Variants in KCNIP4 observed in about 807,000 individuals in gnomAD.
The protein encoded by KCNIP4 is Kv channel-interacting protein 4.
KCNIP4 carries 12 observed loss-of-function variants against 34.0 expected under a neutral mutation model. The observed-to-expected ratio is 0.35, with a 90% CI of 0.23 to 0.57. The LOEUF is 0.57. Ranked by LOEUF, KCNIP4 falls within the 20% of genes least tolerant of loss-of-function variation. The pLI is 0.83. For synonymous variants in KCNIP4, 124 were observed against 102.2 expected (o/e 1.21, Z -1.29); for missense variants, 238 against 311.7 (o/e 0.76, Z 1.78).
At position 20,818,325 on chromosome 4, in the gene KCNIP4, T is replaced by A. The variant is rs138159136; in HGVS notation, c.288+32218A>T. 5.2e-3 allele frequency among the ~76,000 whole-genome samples: 790 copies of A among 152,310 alleles called. 6 individuals carry two copies. Among genetic ancestry groups the A allele is most frequent in the South Asian group, 0.016 (75 of 4,824 alleles). ...ATTGGGGTGGTGGTGGTGGTATCAG[T>A]TCTCATGATTTTAACCCAAAATGAC... On this transcript the variant is annotated intron_variant, in intron 3 of 8. Coordinates refer to ENST00000382152, the MANE Select transcript of KCNIP4 (RefSeq NM_025221.6).
chr4:21,837,585 G>A (rs1723430026), intron 1 of KCNIP4, among the ~76,000 whole-genome samples: 1 of 145,184 alleles, frequency 6.9e-6, no homozygotes. Flanking sequence ...AAAGAAAGAG[G>A]CAGATAGATA....
intron 3 of KCNIP4, among the ~76,000 whole-genome samples, chr4:20,778,461 G>GAC (rs1197697818): frequency 1.3e-5 from 2 of 152,080 alleles, no homozygotes; most frequent in Non-Finnish European, 2.9e-5. Flanking sequence ...ATGTAGTTTT[G>GAC]ACACACACAC....
intron 1 of KCNIP4, among the ~76,000 whole-genome samples, chr4:21,858,470 AT>A (rs1724883335): frequency 1.3e-5 from 2 of 152,350 alleles, no homozygotes; most frequent in South Asian, 4.1e-4. Flanking sequence ...CTGAAATGAA[AT>A]TTAGCTTAAA....
intron 1 of KCNIP4, among the ~76,000 whole-genome samples, chr4:21,061,949 C>T (rs1301807777): frequency 2.0e-5 from 3 of 152,270 alleles, no homozygotes; most frequent in Non-Finnish European, 4.4e-5. Context: ...TGGCCATCTA[C>T]AAGCCAAAGA....
intron 1 of KCNIP4, among the ~76,000 whole-genome samples, chr4:21,925,158 T>C (rs987983628): frequency 1.3e-5 from 2 of 152,126 alleles, no homozygotes; most frequent in Non-Finnish European, 2.9e-5. Context: ...TACGTATACA[T>C]GTGCCATGTT....
At chr4:20,764,271 G>A (rs192567793) in intron 3 of KCNIP4, among the ~76,000 whole-genome samples, 39 of 152,176 alleles carry the variant, frequency 2.6e-4, no homozygotes, top group Non-Finnish European at 4.6e-4. Context: ...CATATATACC[G>A]TAGAAATAAA....
chr4:21,677,831 C>A (rs888407367), intron 1 of KCNIP4, among the ~76,000 whole-genome samples: 1 of 152,124 alleles, frequency 6.6e-6, no homozygotes, highest in African/African-American at 2.4e-5. Flanking sequence ...CTCACTGCAA[C>A]CTCCTCCTCC....
At chr4:21,238,716 A>G (rs1289320633) in intron 1 of KCNIP4, among the ~76,000 whole-genome samples, 8 of 152,136 alleles carry the variant, frequency 5.3e-5, no homozygotes, top group African/African-American at 1.9e-4. Context: ...CCACTGCTCA[A>G]TGAAATAAAA....
chr4:21,074,504 T>C lies in KCNIP4; in HGVS notation c.62-191795A>G, dbSNP rs566221242. Reference sequence around the variant, plus strand: ...TGATATCCCCTTTATCATTTTTTATTGCGTCTATTTGATCCTTCTCTCTTT... The same window carrying C: ...TGATATCCCCTTTATCATTTTTTATCGCGTCTATTTGATCCTTCTCTCTTT... On this transcript the variant is annotated intron_variant, in intron 1 of 8. Coordinates refer to ENST00000382152, the MANE Select transcript of KCNIP4 (RefSeq NM_025221.6). Among the ~76,000 whole-genome samples the C allele has an allele frequency of 1.4e-4, 21 of 152,304 alleles. No homozygotes were observed. The South Asian group carries it at 3.1e-3, about 23-fold the overall frequency.
chr4:21,643,606 T>C (rs1746778781), intron 1 of KCNIP4, among the ~76,000 whole-genome samples: 1 of 152,144 alleles, frequency 6.6e-6, no homozygotes, highest in Non-Finnish European at 1.5e-5. Flanking sequence ...TTTAAATCAA[T>C]GGATTTTGAG....
intron 1 of KCNIP4, among the ~76,000 whole-genome samples, chr4:21,929,315 T>C (rs1048932202): frequency 6.6e-6 from 1 of 152,166 alleles, no homozygotes; most frequent in Non-Finnish European, 1.5e-5. Flanking sequence ...TTTTATTTAT[T>C]TTATGGAAAA....
At chr4:21,121,577 T>A (rs904080217) in intron 1 of KCNIP4, among the ~76,000 whole-genome samples, 2 of 152,232 alleles carry the variant, frequency 1.3e-5, no homozygotes, top group African/African-American at 2.4e-5. Context: ...AGAGAACATG[T>A]TTTATTAAAA....
At chr4:21,847,208 AG>A (rs1032358213) in intron 1 of KCNIP4, 1 of 152,122 alleles carries the variant, frequency 6.6e-6, no homozygotes, top group Non-Finnish European at 1.5e-5. Context: ...TTATAATAAA[AG>A]CACCCTGACA....
At chr4:21,353,454 T>C (rs891921623) in intron 1 of KCNIP4, among the ~76,000 whole-genome samples, 1 of 152,150 alleles carries the variant, frequency 6.6e-6, no homozygotes, top group Admixed American at 6.5e-5. Flanking sequence ...AGACCTTAAA[T>C]GATGTGATGG....
chr4:21,779,521 T>C (rs1247128880), intron 1 of KCNIP4, among the ~76,000 whole-genome samples: 1 of 152,164 alleles, frequency 6.6e-6, no homozygotes, highest in Non-Finnish European at 1.5e-5. Flanking sequence ...CATATCAAAA[T>C]GTCACATTGT....
intron 1 of KCNIP4, among the ~76,000 whole-genome samples, chr4:21,309,002 C>T (rs1028280991): frequency 3.9e-5 from 6 of 152,034 alleles, no homozygotes; most frequent in African/African-American, 1.2e-4. Flanking sequence ...CACTTCAGAG[C>T]GTACCCCTAA....
chr4:20,753,038 C>T (rs776971450), intron 4 of KCNIP4: 6 of 152,122 alleles, frequency 3.9e-5, no homozygotes, highest in Non-Finnish European at 8.8e-5. Flanking sequence ...GTTTGTTAAG[C>T]TGGGATTGCC....
intron 1 of KCNIP4, among the ~76,000 whole-genome samples, chr4:20,914,345 T>C (rs761918791): frequency 6.6e-6 from 1 of 151,976 alleles, no homozygotes; most frequent in Non-Finnish European, 1.5e-5. Context: ...GGTAGGTGAT[T>C]AGGTCATGAG....
At chr4:21,597,344 C>T (rs1002575604) in intron 1 of KCNIP4, among the ~76,000 whole-genome samples, 2 of 152,050 alleles carry the variant, frequency 1.3e-5, no homozygotes, top group African/African-American at 4.8e-5. Context: ...ATGAGGCCTC[C>T]CCAGACACAT....
Sources: gnomAD v4.1 joint callset for allele counts (sites outside exome capture counted in the v4.1 genomes callset) on GRCh38, gnomAD v4.1.1 for gene constraint, MANE v1.5 for transcripts, NCBI Gene and HGNC (gene_info 2026-07-23, HGNC 2026-07-21) for gene names.